The following ALG6 variants were observed in gnomAD, a reference collection of about 807,000 sequenced individuals.
The protein encoded by ALG6 is ALG6 alpha-1,3-glucosyltransferase.
Under a neutral mutation model 66.6 loss-of-function variants are expected in ALG6, and 46 were observed. That is an observed-to-expected ratio of 0.69 (90% CI 0.55 to 0.88). The LOEUF is 0.88. ALG6 is among the 40% of genes least tolerant of loss of function. The probability of loss-of-function intolerance (pLI) is 0.00; values close to 1 mark genes in which losing one functional copy is unlikely to be tolerated. For synonymous variants in ALG6, 185 were observed against 203.7 expected (o/e 0.91, Z 0.78); for missense variants, 505 against 586.8 (o/e 0.86, Z 1.44).
chr1:63,380,722 A>G (rs2100388611), intron 2 of ALG6, among the ~76,000 whole-genome samples: 1 of 152,296 alleles, frequency 6.6e-6, no homozygotes, highest in East Asian at 1.9e-4. Context: ...GGAGGGGACA[A>G]TTCATCCAAT....
chr1:63,400,212 T>C (rs1352651530), intron 3 of ALG6, among the ~76,000 whole-genome samples: 1 of 25,268 alleles, frequency 4.0e-5, no homozygotes, highest in South Asian at 2.6e-3. Context: ...AAAAAATATA[T>C]ATATATATAC....
At position 63,382,651 on chromosome 1, in the gene ALG6, GTTTGTTTTT is replaced by G. The variant is rs1648358922; in HGVS notation, c.82+11596_82+11604del. Among the ~76,000 whole-genome samples the G allele has an allele frequency of 1.7e-4, 4 of 24,056 alleles. No homozygotes were observed. In the South Asian group the frequency reaches 8.6e-3, roughly 52 times the overall value. The allele number at this position is 24,056 out of a possible 152,430, so 15.8% of individuals were successfully genotyped here. A position where few individuals can be genotyped will look rare whatever the true frequency, so the allele number is the denominator to read the frequency against. On this transcript the variant is annotated intron_variant, in intron 2 of 14. Transcript: ENST00000263440. ...ACCATGCCTGGCTAAGTTTTTTTTT[GTTTGTTTTT>G]TTTTGTTTTTTTTTTTTTGTTTTTT...
At chr1:63,407,179 C>A in intron 7 of ALG6, 53 bp downstream of exon 7, 1 of 1,313,218 alleles carries the variant, frequency 7.6e-7, no homozygotes, top group Non-Finnish European at 1.1e-6. Context: ...GAAATCTAGA[C>A]TCAATGTGTA....
chr1:63,428,950 G>A lies in ALG6; in HGVS notation c.1150G>A (p.Asp384Asn), dbSNP rs1557597557. The change falls in exon 14 of 15, where the codon GAT (aspartate) becomes AAT (asparagine). Residue 384 changes from aspartate to asparagine, a missense_variant. By Grantham distance (23) the Asp-to-Asn change is conservative. Transcript: ENST00000263440. ...CAGTATGCTACCTCTTCTATTGAAG[G>A]ATGAACTCCTAATGCCCTCTGTTGT... Reference protein sequence around the residue: ...TFSMLPLLLKDELLMPSVVTT... With the variant: ...TFSMLPLLLKNELLMPSVVTT... 2 of 1,613,234 alleles carry A rather than the reference G, an allele frequency of 1.2e-6. No homozygotes were observed. The highest frequency in any genetic ancestry group is 4.5e-5 in the East Asian group (2 of 44,734).
chr1:63,396,890 G>T (rs1183579712), intron 3 of ALG6, among the ~76,000 whole-genome samples: 5 of 152,150 alleles, frequency 3.3e-5, no homozygotes, highest in Non-Finnish European at 1.5e-5. Flanking sequence ...ACCATCATAG[G>T]CTAAAAACAT....
At chr1:63,370,280 G>A (rs1239944763) in intron 1 of ALG6, among the ~76,000 whole-genome samples, 4 of 151,972 alleles carry the variant, frequency 2.6e-5, no homozygotes, top group Non-Finnish European at 5.9e-5. Context: ...ATGGAAAGTT[G>A]GTGTGGTTAA....
intron 11 of ALG6, among the ~76,000 whole-genome samples, chr1:63,417,616 T>C (rs1382447336): frequency 1.3e-5 from 2 of 152,214 alleles, no homozygotes; most frequent in African/African-American, 4.8e-5. Context: ...ACTGATAGCA[T>C]GAATACTGGT....
chr1:63,422,832 G>A (rs1047833693), intron 12 of ALG6, among the ~76,000 whole-genome samples: 1 of 151,958 alleles, frequency 6.6e-6, no homozygotes, highest in African/African-American at 2.4e-5. Context: ...ATGCATGCCT[G>A]TAATCCCAGC....
chr1:63,432,479 A>C (rs1260189799), intron 14 of ALG6, among the ~76,000 whole-genome samples: 16 of 152,184 alleles, frequency 1.1e-4, no homozygotes, highest in Admixed American at 1.0e-3. Context: ...TTGTCTACTC[A>C]TAAAGTTCAT....
At chr1:63,422,165 A>ATGAATTTATATTTATATAAATATATATC (rs1557594803) in intron 12 of ALG6, among the ~76,000 whole-genome samples, 1 of 112,904 alleles carries the variant, frequency 8.9e-6, no homozygotes, top group Non-Finnish European at 1.7e-5. Flanking sequence ...ATATATATAT[A>ATGAATTTATATTTATATAAATATATATC]ACTATGAATT....
intron 1 of ALG6, among the ~76,000 whole-genome samples, chr1:63,369,582 T>A (rs994533439): frequency 6.6e-6 from 1 of 151,798 alleles, no homozygotes; most frequent in African/African-American, 2.4e-5. Context: ...TGAGCCGATA[T>A]TGTGCCATTG....
chr1:63,405,879 T>A lies in ALG6; in HGVS notation c.347-438T>A, dbSNP rs180975400. The stretch of plus-strand genomic sequence containing the variant: ...TTCTCCTCACCTGGGTTTCTCAAGC[T>A]CTTTATATGCATTAATTAGCAAAAG... On this transcript the variant is annotated intron_variant, in intron 5 of 14. Coordinates refer to ENST00000263440, the MANE Select transcript of ALG6 (RefSeq NM_013339.4). Among the ~76,000 whole-genome samples, 21 of 152,188 alleles carry A rather than the reference T, an allele frequency of 1.4e-4. No individual in the cohort carries two copies. The East Asian group carries it at 3.9e-3, about 28-fold the overall frequency.
At chr1:63,423,024 A>AT (rs61279219) in intron 12 of ALG6, among the ~76,000 whole-genome samples, 53,250 of 142,792 alleles carry the variant, frequency 0.37, 9,957 homozygotes, top group African/African-American at 0.42. Flanking sequence ...GGATAATGCA[A>AT]TTTTTTTTTT....
chr1:63,382,428 C>A (rs890345172), intron 2 of ALG6, among the ~76,000 whole-genome samples: 2 of 151,556 alleles, frequency 1.3e-5, no homozygotes, highest in African/African-American at 4.8e-5. Context: ...GTCTCGAACT[C>A]CTGACTTCAA....
At chr1:63,370,222 G>A (rs946871510) in intron 1 of ALG6, among the ~76,000 whole-genome samples, 3 of 150,890 alleles carry the variant, frequency 2.0e-5, no homozygotes, top group African/African-American at 7.3e-5. Flanking sequence ...TTTTTCTCAC[G>A]ATTTGGGATT....
At chr1:63,378,172 T>A (rs989789231) in intron 2 of ALG6, among the ~76,000 whole-genome samples, 1 of 152,220 alleles carries the variant, frequency 6.6e-6, no homozygotes, top group African/African-American at 2.4e-5. Context: ...GAGAGTCTGT[T>A]GGTGGCAAAC....
At chr1:63,400,604 T>C (rs1557588049) in intron 3 of ALG6, among the ~76,000 whole-genome samples, 1 of 151,884 alleles carries the variant, frequency 6.6e-6, no homozygotes, top group Non-Finnish European at 1.5e-5. Context: ...TGCAGCTTAC[T>C]GTCAATGCCT....
intron 2 of ALG6, among the ~76,000 whole-genome samples, chr1:63,374,858 A>G (rs1443205283): frequency 1.3e-5 from 2 of 152,194 alleles, no homozygotes; most frequent in Non-Finnish European, 2.9e-5. Context: ...AATAAATGGT[A>G]TCTTCCTTAG....
intron 3 of ALG6, among the ~76,000 whole-genome samples, chr1:63,399,043 A>T (rs1644430386): frequency 6.6e-6 from 1 of 152,152 alleles, no homozygotes; most frequent in African/African-American, 2.4e-5. Context: ...CTGCAGACTT[A>T]TCAGAGGCTC....
Sources: gnomAD v4.1 joint callset for allele counts (sites outside exome capture counted in the v4.1 genomes callset) on GRCh38, gnomAD v4.1.1 for gene constraint, MANE v1.5 for transcripts, NCBI Gene and HGNC (gene_info 2026-07-23, HGNC 2026-07-21) for gene names.